Variants in CDH8 observed in about 807,000 individuals in gnomAD.
CDH8 encodes the protein cadherin-8.
A neutral mutation model predicts 68.1 loss-of-function variants in CDH8; 17 were observed. The ratio of observed to expected loss-of-function variants is 0.25; its 90% CI spans 0.17 to 0.37. The LOEUF (loss-of-function observed/expected upper bound fraction) is 0.37. Among genes scored for constraint, CDH8 ranks in the 10% least tolerant of loss-of-function variants. The pLI, the probability that CDH8 is intolerant of heterozygous loss-of-function variation, is 1.00. For synonymous variants in CDH8, 372 were observed against 365.1 expected, an observed-to-expected ratio of 1.02 and a Z score of -0.21; for missense variants, 763 against 999.3, an observed-to-expected ratio of 0.76 and a Z score of 3.19.
intron 10 of CDH8, among the ~76,000 whole-genome samples, chr16:61,685,237 T>C (rs1964085256): frequency 6.7e-6 from 1 of 148,988 alleles, no homozygotes; most frequent in Non-Finnish European, 1.5e-5. Flanking sequence ...GATAACAAAA[T>C]GACAAGGTGT....
chr16:61,966,603 AG>A (rs1423247218), intron 2 of CDH8, among the ~76,000 whole-genome samples: 1 of 152,200 alleles, frequency 6.6e-6, no homozygotes, highest in Non-Finnish European at 1.5e-5. Context: ...CACACAGAGT[AG>A]TTCCCTAAAT....
At chr16:62,012,508 T>G (rs1391378721) in intron 2 of CDH8, among the ~76,000 whole-genome samples, 1 of 152,204 alleles carries the variant, frequency 6.6e-6, no homozygotes, top group Non-Finnish European at 1.5e-5. Context: ...GAGATTCTAT[T>G]TACCAAATTT....
intron 8 of CDH8, among the ~76,000 whole-genome samples, chr16:61,745,084 A>T (rs1407341969): frequency 1.3e-5 from 2 of 150,832 alleles, no homozygotes; most frequent in East Asian, 3.9e-4. Context: ...ACTGCTGCTA[A>T]TGCATTTTAT....
chr16:61,737,233 C>G (rs1959722424), intron 8 of CDH8, among the ~76,000 whole-genome samples: 2 of 152,080 alleles, frequency 1.3e-5, no homozygotes, highest in Non-Finnish European at 2.9e-5. Context: ...ACAGACTTGC[C>G]TTTTCAAGCT....
At chr16:61,754,884 T>A (rs1273646220) in intron 8 of CDH8, among the ~76,000 whole-genome samples, 1 of 152,098 alleles carries the variant, frequency 6.6e-6, no homozygotes, top group South Asian at 2.1e-4. Flanking sequence ...GTAATGAGCA[T>A]AGTACCCAAC....
chr16:61,918,627 C>G (rs1188454070), intron 2 of CDH8: 1 of 153,568 alleles, frequency 6.5e-6, no homozygotes, highest in Non-Finnish European at 1.4e-5. Context: ...AAACGGTGCA[C>G]CACGAGATTA....
At chr16:61,820,806 T>A in intron 6 of CDH8, 120 bp downstream of exon 6, 1 of 755,398 alleles carries the variant, frequency 1.3e-6, no homozygotes, top group East Asian at 2.7e-5. Flanking sequence ...GTCTTACTGC[T>A]CAAAGCTAAA....
chr16:61,890,554 G>A (rs1051370214), intron 3 of CDH8, among the ~76,000 whole-genome samples: 5 of 152,076 alleles, frequency 3.3e-5, no homozygotes, highest in Non-Finnish European at 5.9e-5. Context: ...ATCACAGTCC[G>A]CCAGGAATGA....
intron 2 of CDH8, among the ~76,000 whole-genome samples, chr16:61,964,506 G>A (rs1300961037): frequency 1.3e-5 from 2 of 151,700 alleles, no homozygotes; most frequent in African/African-American, 4.8e-5. Context: ...AGAACGTGCA[G>A]GCTCCACACA....
chr16:61,653,459 T>G lies in CDH8; in HGVS notation c.*149A>C. 7.0e-7 allele frequency: 1 copy of G among 1,434,414 alleles called. No homozygotes were observed. Among genetic ancestry groups the G allele is most frequent in the Non-Finnish European group, 9.1e-7 (1 of 1,094,048 alleles). The allele number at this position is 1,434,414 out of a possible 1,614,324, so 88.9% of individuals were successfully genotyped here. A position where few individuals can be genotyped will look rare whatever the true frequency, so the allele number is the denominator to read the frequency against. The stretch of plus-strand genomic sequence containing the variant: ...TACTTTTTTATTTTATTATCTTTTT[T>G]TGGTTCAACATTAAAATGTGGTTGA... On this transcript the variant is annotated 3_prime_UTR_variant, in exon 12 of 12. Coordinates refer to ENST00000577390, the MANE Select transcript of CDH8 (RefSeq NM_001796.5).
intron 2 of CDH8, among the ~76,000 whole-genome samples, chr16:61,911,395 G>A (rs1964159657): frequency 6.6e-6 from 1 of 152,118 alleles, no homozygotes; most frequent in Non-Finnish European, 1.5e-5. Context: ...TAAACTAATA[G>A]ATGCACTGGT....
chr16:61,962,069 GGAAGA>G (rs973357301), intron 2 of CDH8, among the ~76,000 whole-genome samples: 9 of 152,212 alleles, frequency 5.9e-5, no homozygotes, highest in East Asian at 5.8e-4. Context: ...AAAACTATAA[GGAAGA>G]GAAAATATAT....
intron 7 of CDH8, among the ~76,000 whole-genome samples, chr16:61,791,659 A>C (rs1473309235): frequency 6.6e-6 from 1 of 152,008 alleles, no homozygotes; most frequent in Non-Finnish European, 1.5e-5. Flanking sequence ...CATGAATCCC[A>C]AATCAGAAAC....
chr16:61,993,283 C>G (rs959807122), intron 2 of CDH8, among the ~76,000 whole-genome samples: 5 of 152,046 alleles, frequency 3.3e-5, no homozygotes, highest in Non-Finnish European at 7.4e-5. Flanking sequence ...CACTCCCTCC[C>G]CTCCCTTCAG....
intron 8 of CDH8, among the ~76,000 whole-genome samples, chr16:61,744,878 T>C (rs1218447688): frequency 6.6e-6 from 1 of 151,484 alleles, no homozygotes; most frequent in Non-Finnish European, 1.5e-5. Flanking sequence ...TTTTGTTATG[T>C]ATTTTAATTC....
At chr16:61,966,609 C>T (rs541993390) in intron 2 of CDH8, among the ~76,000 whole-genome samples, 12 of 152,176 alleles carry the variant, frequency 7.9e-5, no homozygotes, top group African/African-American at 2.9e-4. Flanking sequence ...GAGTAGTTCC[C>T]TAAATATTCA....
At chr16:62,029,099 C>T (rs371169047) in intron 1 of CDH8, among the ~76,000 whole-genome samples, 5 of 152,026 alleles carry the variant, frequency 3.3e-5, no homozygotes, top group Admixed American at 2.0e-4. Context: ...CACCTGGGCA[C>T]GTTTATCTTA....
chr16:61,998,158 C>G (rs564951589), intron 2 of CDH8, among the ~76,000 whole-genome samples: 1 of 151,774 alleles, frequency 6.6e-6, no homozygotes, highest in Non-Finnish European at 1.5e-5. Flanking sequence ...AAGAAAAATG[C>G]AATATGCATG....
At position 61,682,847 on chromosome 16, in the gene CDH8, C is replaced by T. The variant is rs371734008; in HGVS notation, c.1655-27126G>A. Among the ~76,000 whole-genome samples the T allele has an allele frequency of 5.3e-4, 80 of 151,962 alleles. 3 individuals are homozygous for T. In the South Asian group the frequency reaches 0.016, roughly 30 times the overall value. ...TTTTAAAGTGAAGGTTTAAGTGATT[C>T]GTTTTAACATTCCCAACCAATAACT... On this transcript the variant is annotated intron_variant, in intron 10 of 11. Coordinates refer to ENST00000577390, the MANE Select transcript of CDH8 (RefSeq NM_001796.5).
Sources: gnomAD v4.1 joint callset for allele counts (sites outside exome capture counted in the v4.1 genomes callset) on GRCh38, gnomAD v4.1.1 for gene constraint, MANE v1.5 for transcripts, NCBI Gene and HGNC (gene_info 2026-07-23, HGNC 2026-07-21) for gene names.